Variants in ICE2 observed in about 807,000 individuals in gnomAD.
ICE2 encodes interactor of little elongation complex ELL subunit 2.
ICE2 carries 87 observed loss-of-function variants against 105.4 expected under a neutral mutation model. The ratio of observed to expected loss-of-function variants is 0.83; its 90% CI spans 0.69 to 0.99. The LOEUF (loss-of-function observed/expected upper bound fraction) is 0.99. Among genes scored for constraint, ICE2 ranks in the 50% least tolerant of loss-of-function variants. ICE2 has a pLI of 0.00. For synonymous variants in ICE2, 399 were observed against 392.0 expected (o/e 1.02, Z -0.21); for missense variants, 1,323 against 1,146.7 (o/e 1.15, Z -2.22).
At chr15:60,439,061 T>C (rs80204691) in intron 12 of ICE2, 21 of 152,348 alleles carry the variant, frequency 1.4e-4, no homozygotes, top group African/African-American at 4.8e-4. Flanking sequence ...CATTCATATG[T>C]GTATAGGTAG....
intron 3 of ICE2, among the ~76,000 whole-genome samples, 170 bp from the exon 4 acceptor site, chr15:60,468,492 G>C (rs1047350570): frequency 5.3e-5 from 8 of 152,132 alleles, no homozygotes; most frequent in African/African-American, 1.9e-4. Flanking sequence ...ATTTAAAGTA[G>C]ATTAAGTATT....
At chr15:60,473,290 C>G (rs961704979) in intron 3 of ICE2, among the ~76,000 whole-genome samples, 7 of 151,750 alleles carry the variant, frequency 4.6e-5, no homozygotes, top group African/African-American at 7.3e-5. Context: ...GAGAGAGAGA[C>G]ACACACACAG....
intron 12 of ICE2, chr15:60,439,239 A>C (rs760664840): frequency 2.0e-5 from 3 of 152,240 alleles, no homozygotes; most frequent in Non-Finnish European, 4.4e-5. Flanking sequence ...AGGAAAACGA[A>C]AAGAACAGTA....
rs1298503102 is a variant in ICE2, at chr15:60,428,655, G to T, written c.2594C>A (p.Ala865Glu). 1 of 1,614,024 alleles carries T rather than the reference G, an allele frequency of 6.2e-7. No homozygotes were observed. Among genetic ancestry groups the T allele is most frequent in the Admixed American group, 1.7e-5 (1 of 60,020 alleles). Residue 865 changes from alanine (A) to glutamate (E), a missense_variant, in exon 15 of 16, where the codon GCA becomes GAA. Ala to Glu is a moderately radical substitution (Grantham distance 107, BLOSUM62 -1). Coordinates refer to ENST00000261520, the MANE Select transcript of ICE2 (RefSeq NM_024611.6). ...AATCAGGAGTGAAGAATCTTCTGCT[G>T]CATGAGATAACAAGTAGGAACCCTC... ...LQEGSYLLSH[A>E]AEDSSLLIYK...
Position 60,449,715 on chromosome 15 carries a change from T to G in ICE2, c.1252A>C (p.Ser418Arg), listed in dbSNP as rs1269710362. ...VTTTKVSKSP[S>R]PASTSTVPNM... ...GGTACTGTGGAAGTACTTGCTGGACTTGGTGATTTTGATACTTTGGTGGTG... is the reference window on the plus strand; with the variant it reads ...GGTACTGTGGAAGTACTTGCTGGACGTGGTGATTTTGATACTTTGGTGGTG... Residue 418 changes from serine (S) to arginine (R), a missense_variant, in exon 10 of 16, where the codon AGT becomes CGT. Ser to Arg is a moderately radical substitution (Grantham distance 110, BLOSUM62 -1). Transcript: ENST00000261520. 1.2e-6 allele frequency: 2 copies of G among 1,614,042 alleles called. No individual in the cohort carries two copies. The highest frequency in any genetic ancestry group is 2.7e-5 in the African/African-American group (2 of 74,926).
intron 3 of ICE2, among the ~76,000 whole-genome samples, chr15:60,469,081 T>TA (rs1329336004): frequency 3.3e-5 from 5 of 152,158 alleles, no homozygotes; most frequent in Non-Finnish European, 7.4e-5. Context: ...CACCAATGTT[T>TA]AAAAATCCCT....
At chr15:60,430,500 T>C (rs1434322175) in intron 14 of ICE2, among the ~76,000 whole-genome samples, 1 of 152,160 alleles carries the variant, frequency 6.6e-6, no homozygotes, top group African/African-American at 2.4e-5. Context: ...AAATAAAATA[T>C]TGATAATAAA....
At chr15:60,456,566 A>AATAT (rs55754214) in intron 6 of ICE2, 91 bp downstream of exon 6, 917 of 64,510 alleles carry the variant, frequency 0.014, 36 homozygotes, top group Admixed American at 0.022. Context: ...TAAATAAATA[A>AATAT]ATATATATAT....
chr15:60,422,835 T>A lies in ICE2; in HGVS notation c.*799A>T, dbSNP rs890552468. ...GCCTGGGCAACAGAGCGAGACTCCA[T>A]CTCAAAAAAAAAAAAAAGCTTATGC... is the stretch of plus-strand genomic sequence containing the variant. On this transcript the variant is annotated 3_prime_UTR_variant, in exon 16 of 16. Coordinates refer to ENST00000261520, the MANE Select transcript of ICE2 (RefSeq NM_024611.6). 6.7e-6 allele frequency: 1 copy of A among 149,670 alleles called. No individual in the cohort carries two copies. 9.3% of individuals were successfully genotyped at this position (149,670 alleles called of 1,614,324 possible).
chr15:60,427,548 G>A (rs1160146322), intron 15 of ICE2, among the ~76,000 whole-genome samples: 1 of 152,148 alleles, frequency 6.6e-6, no homozygotes, highest in Non-Finnish European at 1.5e-5. Context: ...AGCCTCTCCA[G>A]TAGCTGGAAA....
Position 60,432,003 on chromosome 15 carries a change from T to TTG in ICE2, c.2511-20_2511-19insCA. 7.4e-7 allele frequency: 1 copy of TTG among 1,355,314 alleles called. No homozygotes were observed. Among genetic ancestry groups the TTG allele is most frequent in the Non-Finnish European group, 1.0e-6 (1 of 964,028 alleles). 84.0% of individuals were successfully genotyped at this position (1,355,314 alleles called of 1,614,324 possible). On this transcript the variant is annotated intron_variant, in intron 13 of 15. Transcript: ENST00000261520. ...GGAAATCCTGATAAACAAAAGAAAT[T>TTG]CATGTAAAATTAAACTGCAAAAAAC... is the stretch of plus-strand genomic sequence containing the variant.
rs1294628043 is a variant in ICE2 at position 60,456,554 on chromosome 15, AAT to A, written c.666+101_666+102del. 7.5e-4 allele frequency: 45 copies of A among 60,396 alleles called. 6 individuals carry two copies. The highest frequency in any genetic ancestry group is 1.3e-3 in the African/African-American group (32 of 23,812). 3.7% of individuals were successfully genotyped at this position (60,396 alleles called of 1,614,324 possible). ...GACTCTGTCTCCAAAAAAAAAAATA[AAT>A]AAATAAATAAATATATATATATATA... On this transcript the variant is annotated intron_variant, in intron 6 of 15. Coordinates refer to ENST00000261520, the MANE Select transcript of ICE2 (RefSeq NM_024611.6).
intron 13 of ICE2, 111 bp downstream of exon 13, chr15:60,436,032 T>C: frequency 2.0e-6 from 1 of 504,774 alleles, no homozygotes; most frequent in South Asian, 3.7e-5. Flanking sequence ...CCTCTATACA[T>C]AAAAAGACTA....
intron 11 of ICE2, among the ~76,000 whole-genome samples, chr15:60,446,149 C>T (rs1448853239): frequency 6.6e-6 from 1 of 152,092 alleles, no homozygotes; most frequent in Non-Finnish European, 1.5e-5. Flanking sequence ...CATTTGGTTT[C>T]TAAAATTTCA....
At chr15:60,427,294 C>G (rs994884648) in intron 15 of ICE2, among the ~76,000 whole-genome samples, 1 of 152,120 alleles carries the variant, frequency 6.6e-6, no homozygotes, top group Admixed American at 6.5e-5. Flanking sequence ...TCTGGGGCAA[C>G]CATAATGAGA....
rs904165562 is a variant in ICE2, at chr15:60,452,179, T to C, written c.1125+1424A>G. 6.2e-6 allele frequency: 6 copies of C among 961,864 alleles called. No individual in the cohort carries two copies. In the African/African-American group the frequency reaches 1.1e-4, roughly 17 times the overall value. The allele number at this position is 961,864 out of a possible 1,614,324, so 59.6% of individuals were successfully genotyped here. On this transcript the variant is annotated intron_variant, in intron 9 of 15. Coordinates refer to ENST00000261520, the MANE Select transcript of ICE2 (RefSeq NM_024611.6). ...AAAATGTGTAAGAAGAAAACATAAGTTAAAAATGCTTTATGACATATGTAT... is the reference window on the plus strand; with the variant it reads ...AAAATGTGTAAGAAGAAAACATAAGCTAAAAATGCTTTATGACATATGTAT...
intron 4 of ICE2, among the ~76,000 whole-genome samples, chr15:60,467,266 A>AT (rs539330930): frequency 3.3e-5 from 5 of 152,060 alleles, no homozygotes; most frequent in African/African-American, 7.2e-5. Context: ...CCTGGCCTCA[A>AT]TTTTTTTTAA....
chr15:60,432,180 CCTTT>C (rs2063475726), intron 13 of ICE2, among the ~76,000 whole-genome samples, 196 bp from the exon 14 acceptor site: 1 of 138,786 alleles, frequency 7.2e-6, no homozygotes, highest in Non-Finnish European at 1.6e-5. Flanking sequence ...AAAAAAATTT[CCTTT>C]TTTTTTTTTT....
At chr15:60,476,720 A>G (rs767395991) in intron 2 of ICE2, among the ~76,000 whole-genome samples, 8 of 152,262 alleles carry the variant, frequency 5.3e-5, no homozygotes, top group Non-Finnish European at 1.0e-4. Flanking sequence ...TAATTTAGAG[A>G]CTAACATATT....
Sources: gnomAD v4.1 joint callset for allele counts (sites outside exome capture counted in the v4.1 genomes callset) on GRCh38, gnomAD v4.1.1 for gene constraint, MANE v1.5 for transcripts, NCBI Gene and HGNC (gene_info 2026-07-23, HGNC 2026-07-21) for gene names.